TRIO: variants seen among roughly 807,000 people sequenced by gnomAD.
TRIO encodes trio Rho guanine nucleotide exchange factor, also known as triple functional domain protein.
TRIO carries 58 observed loss-of-function variants against 351.9 expected under a neutral mutation model. The observed-to-expected ratio is 0.16, with a 90% CI of 0.13 to 0.21. The LOEUF (loss-of-function observed/expected upper bound fraction) is 0.21. TRIO is among the 10% of genes least tolerant of loss of function. The pLI is 1.00. For synonymous variants in TRIO, 1,758 were observed against 1,595.7 expected (o/e 1.10, Z -2.42); for missense variants, 3,201 against 4,027.8 (o/e 0.79, Z 5.56).
At chr5:14,157,174 A>C (rs1348398449) in intron 1 of TRIO, among the ~76,000 whole-genome samples, 1 of 152,152 alleles carries the variant, frequency 6.6e-6, no homozygotes, top group African/African-American at 2.4e-5. Flanking sequence ...GTGAGTCATG[A>C]CTTGAAAGAC....
intron 1 of TRIO, among the ~76,000 whole-genome samples, chr5:14,247,976 G>C (rs1008648771): frequency 6.6e-6 from 1 of 150,748 alleles, no homozygotes; most frequent in Non-Finnish European, 1.5e-5. Flanking sequence ...TGAGGCAGAA[G>C]AATGGCTTGA....
intron 2 of TRIO, 37 bp from the exon 3 acceptor site, chr5:14,280,285 C>G (rs1474178915): frequency 6.4e-7 from 1 of 1,572,200 alleles, no homozygotes; most frequent in African/African-American, 1.4e-5. Context: ...TCTGTCTTAT[C>G]TTGTGTCTAA....
At chr5:14,353,161 ATCTT>A (rs1743291658) in intron 11 of TRIO, among the ~76,000 whole-genome samples, 1 of 152,022 alleles carries the variant, frequency 6.6e-6, no homozygotes, top group Non-Finnish European at 1.5e-5. Flanking sequence ...TAAAACTGTG[ATCTT>A]TCTTATTATT....
At chr5:14,437,683 A>ACCCCCCCCCCCCCC (rs976372019) in intron 34 of TRIO, among the ~76,000 whole-genome samples, 8 of 108,290 alleles carry the variant, frequency 7.4e-5, no homozygotes, top group Non-Finnish European at 1.1e-4. Context: ...TTGGATGAGG[A>ACCCCCCCCCCCCCC]CCACCCCCCC....
chr5:14,495,684 A>AG (rs1195873674), intron 49 of TRIO, among the ~76,000 whole-genome samples: 1 of 147,886 alleles, frequency 6.8e-6, no homozygotes, highest in African/African-American at 2.5e-5. Context: ...AAAAAAAAAA[A>AG]AAGGCCAGGC....
At chr5:14,353,543 G>A (rs1743334358) in intron 11 of TRIO, among the ~76,000 whole-genome samples, 3 of 152,096 alleles carry the variant, frequency 2.0e-5, no homozygotes, top group Admixed American at 2.0e-4. Flanking sequence ...AAATACAGGC[G>A]TGAACCACCA....
At chr5:14,207,523 T>TACAC (rs113435385) in intron 1 of TRIO, among the ~76,000 whole-genome samples, 15,502 of 52,794 alleles carry the variant, frequency 0.29, 4,414 homozygotes, top group East Asian at 0.67. Flanking sequence ...ACTGTCTCTC[T>TACAC]ACACACACAC....
intron 34 of TRIO, among the ~76,000 whole-genome samples, chr5:14,426,424 A>G (rs1750646020): frequency 6.6e-6 from 1 of 152,240 alleles, no homozygotes; most frequent in Non-Finnish European, 1.5e-5. Context: ...AGAGCAGAAT[A>G]AATCTTGGTC....
chr5:14,425,125 G>GT, intron 34 of TRIO, among the ~76,000 whole-genome samples: 1 of 152,166 alleles, frequency 6.6e-6, no homozygotes, highest in Non-Finnish European at 1.5e-5. Flanking sequence ...GTGGCATTAA[G>GT]TACCTTCACA....
intron 1 of TRIO, among the ~76,000 whole-genome samples, chr5:14,226,187 G>A (rs574835295): frequency 1.3e-5 from 2 of 152,290 alleles, no homozygotes; most frequent in East Asian, 3.9e-4. Flanking sequence ...GTCTTCATGG[G>A]ACCAGCATGG....
intron 20 of TRIO, among the ~76,000 whole-genome samples, chr5:14,380,350 C>CTCCT (rs1480590111): frequency 1.5e-4 from 23 of 151,080 alleles, no homozygotes; most frequent in African/African-American, 5.1e-4. Flanking sequence ...CTCCTCGCTC[C>CTCCT]TCGCTCCTCC....
At chr5:14,281,045 A>G (rs1247512858) in intron 3 of TRIO, among the ~76,000 whole-genome samples, 2 of 152,106 alleles carry the variant, frequency 1.3e-5, no homozygotes, top group Admixed American at 6.6e-5. Context: ...GCCTGTGTGT[A>G]TACTTGAGGA....
At position 14,508,161 on chromosome 5, in the gene TRIO, C is replaced by T; in HGVS notation, c.9033C>T (p.Phe3011=). The stretch of plus-strand genomic sequence containing the variant: ...ACATTTGCCGCTTAGACTTTAGCTT[C>T]CCAGATGACTACTTTAAAGGAGTGA... ...CLNICRLDFS[F]PDDYFKGVSQ... Residue 3011 remains phenylalanine (F), a synonymous_variant, in exon 57 of 57, where the codon TTC becomes TTT. Coordinates refer to ENST00000344204, the MANE Select transcript of TRIO (RefSeq NM_007118.4). 6.2e-7 allele frequency: 1 copy of T among 1,614,180 alleles called. No individual in the cohort carries two copies. The highest frequency in any genetic ancestry group is 1.1e-5 in the South Asian group (1 of 91,088).
In TRIO at chr5:14,498,574, A is replaced by T. The variant is rs1757057345; in HGVS notation, c.8266A>T (p.Ile2756Phe). ...GGGCGTGACCACGGAAGATGACGGCATCTACACGTGCATCGCTGTCAATGA... is the reference window on the plus strand; with the variant it reads ...GGGCGTGACCACGGAAGATGACGGCTTCTACACGTGCATCGCTGTCAATGA... ...IVGVTTEDDG[I>F]YTCIAVNDMG... The change falls in exon 53 of 57, where the codon ATC becomes TTC. Residue 2756 changes from isoleucine (I) to phenylalanine (F), a missense_variant. Around this residue, in one of 19 missense-constraint regions of TRIO, gnomAD observed 1,089 missense variants for 954.9 expected, o/e 1.14. Transcript: ENST00000344204. 1 of 1,614,208 alleles carries T rather than the reference A, an allele frequency of 6.2e-7. No homozygotes were observed. The highest frequency in any genetic ancestry group is 8.5e-7 in the Non-Finnish European group (1 of 1,180,026).
intron 36 of TRIO, among the ~76,000 whole-genome samples, chr5:14,463,946 T>C (rs2126513891): frequency 6.6e-6 from 1 of 152,302 alleles, no homozygotes; most frequent in Middle Eastern, 3.4e-3. Flanking sequence ...CCCTCCTCCC[T>C]TTTTAACACG....
intron 55 of TRIO, among the ~76,000 whole-genome samples, chr5:14,505,636 A>G (rs1757620990): frequency 1.3e-5 from 2 of 152,084 alleles, no homozygotes; most frequent in Non-Finnish European, 2.9e-5. Context: ...TAAAGAAACT[A>G]TAAATGCCTC....
intron 1 of TRIO, among the ~76,000 whole-genome samples, chr5:14,205,681 T>C (rs956334263): frequency 4.6e-5 from 7 of 152,246 alleles, no homozygotes; most frequent in Non-Finnish European, 8.8e-5. Context: ...AGTTGGTTTC[T>C]TACTAATGAA....
chr5:14,266,919 A>G (rs1006308802), intron 1 of TRIO, among the ~76,000 whole-genome samples: 1 of 152,290 alleles, frequency 6.6e-6, no homozygotes, highest in African/African-American at 2.4e-5. Flanking sequence ...TTCTGCACCT[A>G]GAGATAAGCC....
chr5:14,428,234 A>T (rs1204345948), intron 34 of TRIO, among the ~76,000 whole-genome samples: 1 of 152,172 alleles, frequency 6.6e-6, no homozygotes, highest in Non-Finnish European at 1.5e-5. Flanking sequence ...AGTCGAAAAT[A>T]TCGTGATTCA....
Sources: allele counts gnomAD v4.1 joint callset (sites outside exome capture counted in the v4.1 genomes callset), GRCh38; gene constraint gnomAD v4.1.1; regional missense constraint gnomAD v4.1.1; transcripts MANE v1.5; gene names NCBI Gene and HGNC (gene_info 2026-07-23, HGNC 2026-07-21).